Variants in ZNF185 observed in about 807,000 individuals in gnomAD.
ZNF185 encodes zinc finger protein 185.
ZNF185 carries 56 observed loss-of-function variants against 58.6 expected under a neutral mutation model. That is an observed-to-expected ratio of 0.95 (90% confidence interval 0.77 to 1.19). The LOEUF (loss-of-function observed/expected upper bound fraction) is 1.19. Among genes scored for constraint, ZNF185 ranks in the 50% most tolerant of loss-of-function variants. The probability of loss-of-function intolerance (pLI) is 0.00; values close to 1 mark genes in which losing one functional copy is unlikely to be tolerated. For synonymous variants in ZNF185, 230 were observed against 215.9 expected (o/e 1.07, Z -0.57); for missense variants, 627 against 573.5 (o/e 1.09, Z -0.95).
chrX:152,952,540 C>T (rs2048389284), intron 16 of ZNF185, among the ~76,000 whole-genome samples: 1 of 111,762 alleles, frequency 8.9e-6, no homozygotes, highest in African/African-American at 3.2e-5. Flanking sequence ...TAATGGCGAG[C>T]CCTCAATGGG....
chrX:152,917,141 A>G, exon 4 of ZNF185: 1 of 1,211,535 alleles, frequency 8.3e-7, no homozygotes, highest in Non-Finnish European at 1.1e-6. Context: ...GCCTCCGAGC[A>G]CAAGGGCTCC....
At chrX:152,935,056 T>C (rs1401785169) in intron 14 of ZNF185, among the ~76,000 whole-genome samples, 1 of 110,929 alleles carries the variant, frequency 9.0e-6, no homozygotes, top group Non-Finnish European at 1.9e-5. Context: ...ACTCCTGGGC[T>C]CAAGCAGTCC....
At position 152,963,921 on chromosome X, in the gene ZNF185, G is replaced by A. The variant is rs782720765; in HGVS notation, c.1690G>A (p.Ala564Thr). Residue 564 changes from alanine (A) to threonine (T), a missense_variant, in exon 18 of 23, where the codon GCA (alanine) becomes ACA (threonine). Ala to Thr is a moderately conservative substitution (Grantham distance 58, BLOSUM62 0). Transcript: ENST00000449285. ...GCCTCACATTTATATTCCAGCCCCC[G>A]CAAGTGAATTGGACTCCAGCTCTAC... 2.5e-5 allele frequency: 30 copies of A among 1,211,074 alleles called. 1 individual carries two copies. Among genetic ancestry groups the A allele is most frequent in the Middle Eastern group, 2.3e-4 (1 of 4,354 alleles).
At chrX:152,944,436 T>C (rs874517) in intron 15 of ZNF185, among the ~76,000 whole-genome samples, 4,516 of 112,408 alleles carry the variant, frequency 0.04, 222 homozygotes, top group African/African-American at 0.14. Flanking sequence ...CATTCTGAAA[T>C]GCTGGGCTCA....
At position 152,944,972 on chromosome X, in the gene ZNF185, C is replaced by T. The variant is rs139732581; in HGVS notation, c.1212-295C>T. 6.6e-3 allele frequency among the ~76,000 whole-genome samples: 745 copies of T among 112,657 alleles called. 7 individuals carry two copies. The highest frequency in any genetic ancestry group is 0.022 in the African/African-American group (679 of 31,054). On this transcript the variant is annotated intron_variant, in intron 15 of 22. Transcript: ENST00000449285. Reference sequence around the variant, plus strand: ...TGATGCCACTGCACTCCAGCCTGGGCGACAGAGTGAGACCCTGCCTCCAAA... The same window carrying T: ...TGATGCCACTGCACTCCAGCCTGGGTGACAGAGTGAGACCCTGCCTCCAAA...
chrX:152,925,286 A>T (rs1468356074), intron 11 of ZNF185, among the ~76,000 whole-genome samples: 1 of 111,449 alleles, frequency 9.0e-6, no homozygotes, highest in African/African-American at 3.3e-5. Flanking sequence ...AGCCTGGGTG[A>T]CAGAGCAAGA....
intron 17 of ZNF185, 50 bp downstream of exon 19, chrX:152,959,946 G>T: frequency 8.8e-7 from 1 of 1,133,259 alleles, no homozygotes; most frequent in South Asian, 2.0e-5. Flanking sequence ...CAGTGTTTTT[G>T]TCCAGGGCAG....
rs1397723342 is a variant in ZNF185, at chrX:152,959,907, A to G, written c.1607+11A>G. 1 of 1,204,345 alleles carries G rather than the reference A, an allele frequency of 8.3e-7. No individual in the cohort carries two copies. Among genetic ancestry groups the G allele is most frequent in the Non-Finnish European group, 1.1e-6 (1 of 891,085 alleles). On this transcript the variant is annotated intron_variant, in intron 17 of 22. Transcript: ENST00000449285. ...GAGCTGCACCAGCAGGTACGAGCCAAACTGCACTGGGACCTTACCTGCTAG... is the reference window on the plus strand; with the variant it reads ...GAGCTGCACCAGCAGGTACGAGCCAGACTGCACTGGGACCTTACCTGCTAG...
At chrX:152,970,608 T>C in intron 22 of ZNF185, 67 bp downstream of exon 24, 1 of 1,006,426 alleles carries the variant, frequency 9.9e-7, no homozygotes, top group East Asian at 3.1e-5. Context: ...TGCACCCTGG[T>C]CTCTCCTGGA....
intron 16 of ZNF185, among the ~76,000 whole-genome samples, chrX:152,947,058 A>G (rs2047853461): frequency 8.9e-6 from 1 of 112,169 alleles, no homozygotes; most frequent in Admixed American, 9.4e-5. Context: ...GGGCAAGGTG[A>G]TGAGGCTGCA....
intron 15 of ZNF185, among the ~76,000 whole-genome samples, chrX:152,938,844 G>GTTT (rs1556885483): frequency 3.7e-5 from 4 of 109,029 alleles, no homozygotes; most frequent in African/African-American, 1.4e-4. Flanking sequence ...CTGAGATAGA[G>GTTT]TGATGGCAGT....
rs782630029 is a variant in ZNF185, at chrX:152,962,436, C to T, written c.1608-1403C>T. Among the ~76,000 whole-genome samples the T allele has an allele frequency of 5.4e-5, 6 of 112,036 alleles. No homozygotes were observed. The South Asian group carries it at 1.9e-3, about 35-fold the overall frequency. ...CTTGCCTCTTCAGTTGCGCCGTCCC[C>T]TTCAGTATTCTGCTGACATGGATCA... is the stretch of plus-strand genomic sequence containing the variant. On this transcript the variant is annotated intron_variant, in intron 17 of 22. Coordinates refer to ENST00000449285, the Ensembl canonical transcript of ZNF185.
At chrX:152,969,588 TG>T in intron 21 of ZNF185, 104 bp downstream of exon 23, 1 of 600,161 alleles carries the variant, frequency 1.7e-6, no homozygotes, top group Non-Finnish European at 2.7e-6. Flanking sequence ...TCAGAGACTG[TG>T]GAGGAGGCTT....
chrX:152,969,621 A>G (rs1407029979), intron 21 of ZNF185, 137 bp downstream of exon 23: 2 of 486,874 alleles, frequency 4.1e-6, no homozygotes, highest in Non-Finnish European at 7.1e-6. Context: ...ACAATTGCAC[A>G]TAGTCGCAGA....
chrX:152,943,512 G>T (rs1556892031), intron 15 of ZNF185, among the ~76,000 whole-genome samples: 3 of 112,353 alleles, frequency 2.7e-5, no homozygotes, highest in Non-Finnish European at 5.6e-5. Context: ...TTCATGAGGA[G>T]CTCGGACAGG....
the ZNF185 span, among the ~76,000 whole-genome samples, chrX:152,908,963 G>A: frequency 8.8e-6 from 1 of 113,362 alleles, no homozygotes; most frequent in Non-Finnish European, 1.9e-5. Flanking sequence ...GGAAGCCAGT[G>A]TTGTTATTGC....
chrX:152,907,237 G>A, the ZNF185 span, among the ~76,000 whole-genome samples: 82 of 111,216 alleles, frequency 7.4e-4, no homozygotes, highest in African/African-American at 2.4e-3. Flanking sequence ...TCCAGCGCAC[G>A]GGAATCTGCA....
chrX:152,913,867 ATTT>A (rs200526723), upstream of ZNF185, among the ~76,000 whole-genome samples: 1 of 109,678 alleles, frequency 9.1e-6, no homozygotes, highest in African/African-American at 3.3e-5. Flanking sequence ...GAAAGGTAGA[ATTT>A]TTTTTTTAAC....
chrX:152,939,243 A>C (rs1353380949), intron 15 of ZNF185, among the ~76,000 whole-genome samples: 1 of 99,918 alleles, frequency 1.0e-5, no homozygotes, highest in Non-Finnish European at 2.1e-5. Flanking sequence ...TGGATATCTA[A>C]GGTATGAGGC....
Sources: allele counts gnomAD v4.1 joint callset (sites outside exome capture counted in the v4.1 genomes callset), GRCh38; gene constraint gnomAD v4.1.1; transcripts MANE v1.5; gene names NCBI Gene and HGNC (gene_info 2026-07-23, HGNC 2026-07-21).